The following CAMKK1 variants were observed in gnomAD, a reference collection of about 807,000 sequenced individuals.
CAMKK1 encodes calcium/calmodulin-dependent protein kinase kinase 1.
In CAMKK1, 20 loss-of-function variants were observed where a neutral mutation model predicts 63.5. The observed-to-expected ratio is 0.32, with a 90% CI of 0.22 to 0.46. CAMKK1 has a LOEUF of 0.46. CAMKK1 is among the 20% of genes least tolerant of loss of function. The pLI is 1.00. For missense variants in CAMKK1, 588 were observed against 658.1 expected, an observed-to-expected ratio of 0.89 and a Z score of 1.17; for synonymous variants, 253 against 269.0, an observed-to-expected ratio of 0.94 and a Z score of 0.58.
In CAMKK1 at chr17:3,862,349, C is replaced by T; in HGVS notation, c.1446-66G>A. The T allele has an allele frequency of 8.1e-7, 1 of 1,234,246 alleles. No homozygotes were observed. The highest frequency in any genetic ancestry group is 1.2e-6 in the Non-Finnish European group (1 of 859,286). 76.5% of individuals were successfully genotyped at this position (1,234,246 alleles called of 1,614,324 possible). A position where few individuals can be genotyped will look rare whatever the true frequency, so the allele number is the denominator to read the frequency against. ...GAATATGCACTCAGGGAGACACTCT[C>T]CCTCACACACACAGGAATCTGAATC... On this transcript the variant is annotated intron_variant, in intron 15 of 15. Coordinates refer to ENST00000348335, the MANE Select transcript of CAMKK1 (RefSeq NM_032294.3). This position sits in a 1 kb window ranked among gnomAD's most constrained non-coding sequence, Gnocchi z 4.1.
In CAMKK1 at chr17:3,865,905, T is replaced by G; in HGVS notation, c.1445+3A>C. 1 of 1,614,076 alleles carries G rather than the reference T, an allele frequency of 6.2e-7. No homozygotes were observed. The highest frequency in any genetic ancestry group is 8.5e-7 in the Non-Finnish European group (1 of 1,180,006). The stretch of plus-strand genomic sequence containing the variant: ...CGGCAGTCCCTGGCCCACCAGTACT[T>G]ACACCAGTAGGTTTCCTGGAGCAGA... On this transcript the variant is annotated splice_donor_region_variant and intron_variant, in intron 15 of 15. Coordinates refer to ENST00000348335, the MANE Select transcript of CAMKK1 (RefSeq NM_032294.3).
chr17:3,872,306 G>A (rs2054923906), intron 12 of CAMKK1, among the ~76,000 whole-genome samples: 1 of 152,206 alleles, frequency 6.6e-6, no homozygotes, highest in South Asian at 2.1e-4. Flanking sequence ...GGAGTGGTGT[G>A]AATGATGCCT....
chr17:3,881,856 C>T, intron 7 of CAMKK1: 1 of 578,806 alleles, frequency 1.7e-6, no homozygotes, highest in East Asian at 2.9e-5. Flanking sequence ...CCTCAGGTGC[C>T]AGGTGAGAAC....
chr17:3,886,909 C>T (rs2055678770), intron 1 of CAMKK1, among the ~76,000 whole-genome samples: 1 of 152,156 alleles, frequency 6.6e-6, no homozygotes, highest in Admixed American at 6.5e-5. Context: ...TCTGCATGTT[C>T]TCAGGAGAAG....
chr17:3,864,600 T>C (rs1237688503), intron 15 of CAMKK1, among the ~76,000 whole-genome samples: 1 of 152,208 alleles, frequency 6.6e-6, no homozygotes, highest in Non-Finnish European at 1.5e-5. Context: ...TGTCCCCATT[T>C]GGACGTCAAA....
At chr17:3,888,681 G>A (rs115477444) in intron 1 of CAMKK1, among the ~76,000 whole-genome samples, 4,435 of 152,312 alleles carry the variant, frequency 0.029, 95 homozygotes, top group African/African-American at 0.063. Flanking sequence ...ATGGATGCGC[G>A]GGCGGGCGGA....
chr17:3,866,888 T>G (rs144542189), intron 14 of CAMKK1, among the ~76,000 whole-genome samples: 1 of 152,034 alleles, frequency 6.6e-6, no homozygotes, highest in Non-Finnish European at 1.5e-5. Context: ...CCCGGCTAAT[T>G]TTTTGTATTT....
Position 3,868,424 on chromosome 17 carries a change from GGTGCT to G in CAMKK1, c.1341+1058_1341+1062del, listed in dbSNP as rs1187385463. ...ATATGTGGGCTCTGGGGGAGACACA[GGTGCT>G]GCCTAACTGATACGTGGGCTCTGGG... On this transcript the variant is annotated intron_variant, in intron 14 of 15. Transcript: ENST00000348335. Among the ~76,000 whole-genome samples the G allele has an allele frequency of 5.8e-4, 67 of 114,628 alleles. 1 individual carries two copies. Among genetic ancestry groups the G allele is most frequent in the Admixed American group, 2.9e-3 (34 of 11,594 alleles). The allele number at this position is 114,628 out of a possible 152,430, so 75.2% of individuals were successfully genotyped here. A position where few individuals can be genotyped will look rare whatever the true frequency, so the allele number is the denominator to read the frequency against.
In CAMKK1 at chr17:3,890,759, A is replaced by C. The variant is rs542219054; in HGVS notation, c.-44+2180T>G. The C allele has an allele frequency of 1.3e-5, 10 of 779,712 alleles. No individual in the cohort carries two copies. The highest frequency in any genetic ancestry group is 1.2e-4 in the East Asian group (5 of 41,242). The allele number at this position is 779,712 out of a possible 1,614,324, so 48.3% of individuals were successfully genotyped here. The stretch of plus-strand genomic sequence containing the variant: ...CTGTTCTGCTGCCAGGCCTCAGTAC[A>C]AGCTGTGCCTTCTGCCAGGAACACA... On this transcript the variant is annotated intron_variant, in intron 1 of 15. Coordinates refer to ENST00000348335, the MANE Select transcript of CAMKK1 (RefSeq NM_032294.3). This position sits in a 1 kb window ranked among gnomAD's most constrained non-coding sequence, Gnocchi z 6.5.
Position 3,890,050 on chromosome 17 carries a change from G to A in CAMKK1, c.-44+2889C>T, listed in dbSNP as rs1016598630. 2.0e-5 allele frequency among the ~76,000 whole-genome samples: 3 copies of A among 152,234 alleles called. No homozygotes were observed. Among genetic ancestry groups the A allele is most frequent in the Admixed American group, 2.0e-4 (3 of 15,292 alleles). On this transcript the variant is annotated intron_variant, in intron 1 of 15. Transcript: ENST00000348335. The surrounding 1 kb of genome is among the most constrained non-coding windows in gnomAD (Gnocchi z 6.5). ...GGACAGCCGTGACCAGCAGAGGACC[G>A]AACAGAAGGGAAAGCCGCAGAGGTG...
Position 3,862,266 on chromosome 17 carries a change from T to C in CAMKK1, c.1463A>G (p.Glu488Gly). The change falls in exon 16 of 16, where the codon GAA becomes GGA. Residue 488 changes from glutamate to glycine, a missense_variant. Glu to Gly is a moderately conservative substitution (Grantham distance 98). Transcript: ENST00000348335. The surrounding 1 kb of genome is among the most constrained non-coding windows in gnomAD (Gnocchi z 4.1). ...GGGGAGCTCTGGGCTCTTGCCCCCT[T>C]CACCAAACCCTTCTTTCCTGTTCAG... Reference protein sequence around the residue: ...GNLLVKEGFGEGGKSPELPGV... With the variant: ...GNLLVKEGFGGGGKSPELPGV... 6.3e-7 allele frequency: 1 copy of C among 1,588,284 alleles called. No individual in the cohort carries two copies. The highest frequency in any genetic ancestry group is 8.6e-7 in the Non-Finnish European group (1 of 1,166,446).
chr17:3,877,035 G>A (rs554430685), intron 9 of CAMKK1, among the ~76,000 whole-genome samples: 1 of 152,206 alleles, frequency 6.6e-6, no homozygotes, highest in Non-Finnish European at 1.5e-5. Flanking sequence ...TGGGATTACA[G>A]GCGTGAGCCA....
chr17:3,868,153 T>C (rs1160598357), intron 14 of CAMKK1, among the ~76,000 whole-genome samples: 1 of 11,276 alleles, frequency 8.9e-5, no homozygotes, highest in Non-Finnish European at 1.5e-4. Flanking sequence ...GCAGGCGCCG[T>C]CTAACTGATA....
At position 3,869,240 on chromosome 17, in the gene CAMKK1, A is replaced by G. The variant is rs1333143551; in HGVS notation, c.1341+247T>C. Among the ~76,000 whole-genome samples the G allele has an allele frequency of 3.9e-5, 6 of 151,968 alleles. No individual in the cohort carries two copies. The South Asian group carries it at 1.2e-3, about 32-fold the overall frequency. ...CCAAAGTGCTGGGATTACAGGCGTG[A>G]GCCACCGCGCCCGGCCCCACGCCCG... On this transcript the variant is annotated intron_variant, in intron 14 of 15. Transcript: ENST00000348335.
chr17:3,881,519 T>C, intron 8 of CAMKK1, 108 bp downstream of exon 8: 1 of 1,102,490 alleles, frequency 9.1e-7, no homozygotes, highest in Non-Finnish European at 1.3e-6. Flanking sequence ...AGGGCCTCCG[T>C]CTCTGACTTC....
chr17:3,881,767 G>A, intron 7 of CAMKK1, 119 bp from the exon 8 acceptor site: 1 of 880,476 alleles, frequency 1.1e-6, no homozygotes, highest in Non-Finnish European at 1.9e-6. Context: ...TCGAGGCAGG[G>A]ACAGGACAGG....
intron 1 of CAMKK1, among the ~76,000 whole-genome samples, chr17:3,888,489 T>G (rs1338289150): frequency 6.6e-6 from 1 of 152,226 alleles, no homozygotes; most frequent in Non-Finnish European, 1.5e-5. Flanking sequence ...CCTCTGTGCC[T>G]TGGGTTTTCC....
Position 3,884,547 on chromosome 17 carries a change from TCACCAA to T in CAMKK1, c.361-126_361-121del. ...CTCCTCATTCCCGGACCCCCAGGTC[TCACCAA>T]GCTTTTGAGTTTGGATGGGGAAGTT... On this transcript the variant is annotated intron_variant, in intron 2 of 15. Coordinates refer to ENST00000348335, the MANE Select transcript of CAMKK1 (RefSeq NM_032294.3). This position sits in a 1 kb window ranked among gnomAD's most constrained non-coding sequence, Gnocchi z 4.5. 5.7e-6 allele frequency: 5 copies of T among 876,586 alleles called. No individual in the cohort carries two copies. The highest frequency in any genetic ancestry group is 8.6e-6 in the Non-Finnish European group (5 of 579,732). The allele number at this position is 876,586 out of a possible 1,614,324, so 54.3% of individuals were successfully genotyped here.
At chr17:3,881,738 GGCAGGCAT>G in intron 7 of CAMKK1, 90 bp from the exon 8 acceptor site, 1 of 1,225,414 alleles carries the variant, frequency 8.2e-7, no homozygotes, top group Non-Finnish European at 1.2e-6. Context: ...TAGGAGAGGG[GGCAGGCAT>G]GCAGGCATAC....
Sources: allele counts gnomAD v4.1 joint callset (sites outside exome capture counted in the v4.1 genomes callset), GRCh38; gene constraint gnomAD v4.1.1; non-coding constraint Gnocchi (gnomAD v3.1); transcripts MANE v1.5; gene names NCBI Gene and HGNC (gene_info 2026-07-23, HGNC 2026-07-21).